Variants in MAGI2 observed in about 807,000 individuals in gnomAD.
The protein encoded by MAGI2 is membrane-associated guanylate kinase, WW and PDZ domain-containing protein 2.
MAGI2 carries 35 observed loss-of-function variants against 133.3 expected under a neutral mutation model. The observed-to-expected ratio is 0.26, with a 90% CI of 0.20 to 0.35. The LOEUF (loss-of-function observed/expected upper bound fraction) is 0.35. Among genes scored for constraint, MAGI2 ranks in the 10% least tolerant of loss-of-function variants. MAGI2 has a pLI of 1.00. For missense variants in MAGI2, 1,636 were observed against 1,863.4 expected, an observed-to-expected ratio of 0.88 and a Z score of 2.25; for synonymous variants, 729 against 710.6, an observed-to-expected ratio of 1.03 and a Z score of -0.41.
At chr7:78,046,325 C>T (rs566721105) in intron 21 of MAGI2, among the ~76,000 whole-genome samples, 1 of 151,818 alleles carries the variant, frequency 6.6e-6, no homozygotes, top group Admixed American at 6.6e-5. Flanking sequence ...TCGCTTGAGC[C>T]CGGGAGGTGG....
At chr7:78,044,747 G>A (rs940883185) in intron 21 of MAGI2, among the ~76,000 whole-genome samples, 1 of 151,994 alleles carries the variant, frequency 6.6e-6, no homozygotes, top group African/African-American at 2.4e-5. Context: ...GAGATGGAAT[G>A]AGTGGCAAAG....
intron 3 of MAGI2, chr7:78,568,388 CT>C (rs1801162620): frequency 6.6e-6 from 1 of 152,272 alleles, no homozygotes; most frequent in Admixed American, 6.5e-5. Flanking sequence ...TCATCTCAAG[CT>C]TTGCATGCTC....
intron 6 of MAGI2, among the ~76,000 whole-genome samples, chr7:78,453,290 A>G (rs2160321): frequency 0.68 from 102,845 of 152,072 alleles, 36,793 homozygotes; most frequent in Non-Finnish European, 0.79. Flanking sequence ...CTTCATTAAC[A>G]TCATATAATC....
chr7:79,411,227 A>C (rs1846119469), intron 1 of MAGI2: 1 of 148,072 alleles, frequency 6.8e-6, no homozygotes, highest in Non-Finnish European at 1.5e-5. Context: ...TGGCTCCCAA[A>C]GACGTCTAGG....
chr7:79,360,539 C>A (rs1405175245), intron 1 of MAGI2, among the ~76,000 whole-genome samples: 3 of 151,848 alleles, frequency 2.0e-5, no homozygotes, highest in African/African-American at 7.3e-5. Flanking sequence ...AAAATTATAA[C>A]ACTATATGAC....
intron 20 of MAGI2, among the ~76,000 whole-genome samples, chr7:78,105,188 G>A (rs1291756488): frequency 2.6e-5 from 4 of 152,004 alleles, no homozygotes; most frequent in African/African-American, 7.3e-5. Context: ...TATTACTATA[G>A]TGTATTCATT....
At chr7:79,269,733 G>C (rs1834740559) in intron 1 of MAGI2, among the ~76,000 whole-genome samples, 1 of 152,058 alleles carries the variant, frequency 6.6e-6, no homozygotes. Context: ...GTTATTCCTG[G>C]TTATAGGCCA....
rs890241334 is a variant in MAGI2 at position 78,581,782 on chromosome 7, AT to A, written c.538+45337del. ...CCCAAAGAACAAGGAAAACCTGTGC[AT>A]TTTTTTTTCTGTTAAATGAAGAAGA... On this transcript the variant is annotated intron_variant, in intron 3 of 21. Coordinates refer to ENST00000354212, the MANE Select transcript of MAGI2 (RefSeq NM_012301.4). Among the ~76,000 whole-genome samples the A allele has an allele frequency of 2.4e-4, 37 of 151,632 alleles. No homozygotes were observed. The South Asian group carries it at 4.2e-3, about 17-fold the overall frequency.
chr7:79,216,301 A>G (rs1239474626), intron 1 of MAGI2, among the ~76,000 whole-genome samples: 1 of 151,764 alleles, frequency 6.6e-6, no homozygotes, highest in East Asian at 1.9e-4. Flanking sequence ...CATCCATCCC[A>G]CTGAGAGCCA....
At chr7:79,065,599 A>G (rs1226963322) in intron 1 of MAGI2, among the ~76,000 whole-genome samples, 5 of 152,158 alleles carry the variant, frequency 3.3e-5, no homozygotes, top group African/African-American at 9.7e-5. Flanking sequence ...TTTCAGGTAC[A>G]TGTGCAGAAT....
chr7:78,031,841 A>G (rs987899239), intron 21 of MAGI2, among the ~76,000 whole-genome samples: 2 of 152,170 alleles, frequency 1.3e-5, no homozygotes, highest in African/African-American at 2.4e-5. Context: ...AGCTAAATCT[A>G]TACCTTCTGG....
intron 2 of MAGI2, among the ~76,000 whole-genome samples, chr7:78,678,963 A>G (rs1815349795): frequency 6.6e-6 from 1 of 152,182 alleles, no homozygotes; most frequent in South Asian, 2.1e-4. Context: ...ATTCCAAGTG[A>G]GCAATTTATC....
intron 6 of MAGI2, among the ~76,000 whole-genome samples, chr7:78,458,227 C>T (rs1789536888): frequency 1.4e-5 from 2 of 144,984 alleles, no homozygotes; most frequent in Admixed American, 7.2e-5. Flanking sequence ...ACTAGGCAGT[C>T]GGAGGTTGCA....
At chr7:78,377,275 A>C (rs1424098086) in intron 6 of MAGI2, among the ~76,000 whole-genome samples, 2 of 152,210 alleles carry the variant, frequency 1.3e-5, no homozygotes, top group Non-Finnish European at 2.9e-5. Context: ...TGAATGCTCC[A>C]ATCCAGTGCA....
intron 1 of MAGI2, among the ~76,000 whole-genome samples, chr7:79,269,643 C>A (rs1268290136): frequency 6.6e-6 from 1 of 152,118 alleles, no homozygotes; most frequent in Non-Finnish European, 1.5e-5. Flanking sequence ...GTTTATGAAA[C>A]TGCCTTTGCA....
intron 5 of MAGI2, among the ~76,000 whole-genome samples, chr7:78,496,814 C>T (rs1476658645): frequency 3.9e-5 from 6 of 152,094 alleles, no homozygotes; most frequent in African/African-American, 7.2e-5. Flanking sequence ...CAGTCTACAT[C>T]GCGTGAAAGT....
chr7:79,029,512 T>C (rs1157266418), intron 1 of MAGI2, among the ~76,000 whole-genome samples: 1 of 152,198 alleles, frequency 6.6e-6, no homozygotes, highest in African/African-American at 2.4e-5. Context: ...TATATTTTTT[T>C]ATTCTACCTT....
chr7:78,425,298 C>T (rs979860613), intron 6 of MAGI2, among the ~76,000 whole-genome samples: 3 of 152,172 alleles, frequency 2.0e-5, no homozygotes, highest in Admixed American at 6.5e-5. Context: ...TGCCTTCCAC[C>T]GTGATTGTGA....
chr7:79,345,183 T>C (rs1406587146), intron 1 of MAGI2, among the ~76,000 whole-genome samples: 3 of 152,072 alleles, frequency 2.0e-5, no homozygotes, highest in Non-Finnish European at 4.4e-5. Context: ...GAGTAGGGTA[T>C]GCCCCAATCC....
Sources: allele counts gnomAD v4.1 joint callset (sites outside exome capture counted in the v4.1 genomes callset), GRCh38; gene constraint gnomAD v4.1.1; transcripts MANE v1.5; gene names NCBI Gene and HGNC (gene_info 2026-07-23, HGNC 2026-07-21).